The following SET variants were observed in gnomAD, a reference collection of about 807,000 sequenced individuals.
SET encodes the protein SET nuclear proto-oncogene.
Under a neutral mutation model 39.0 loss-of-function variants are expected in SET, and 4 were observed. The ratio of observed to expected loss-of-function variants is 0.10; its 90% confidence interval spans 0.05 to 0.23. SET has a LOEUF of 0.23. Ranked by LOEUF, SET falls within the 10% of genes least tolerant of loss-of-function variation. The pLI is 1.00. For missense variants in SET, 137 were observed against 329.7 expected (o/e 0.42, Z 4.53); for synonymous variants, 114 against 115.9 (o/e 0.98, Z 0.11).
intron 2 of SET, among the ~76,000 whole-genome samples, chr9:128,691,466 C>T (rs1043430921): frequency 6.6e-5 from 10 of 152,172 alleles, no homozygotes; most frequent in Non-Finnish European, 1.3e-4. Flanking sequence ...GTCTGAATTG[C>T]AGTGTAGGTC....
chr9:128,685,825 A>C (rs1185370143), upstream of SET, among the ~76,000 whole-genome samples: 1 of 152,206 alleles, frequency 6.6e-6, no homozygotes, highest in East Asian at 1.9e-4. Flanking sequence ...TGAGGTCAGA[A>C]GTTCAAGACC....
intron 2 of SET, 43 bp from the exon 3 acceptor site, chr9:128,691,815 G>T: frequency 1.9e-6 from 3 of 1,566,244 alleles, no homozygotes; most frequent in South Asian, 1.2e-5. Context: ...TTTTTAATTT[G>T]TTAAATACTA....
upstream of SET, among the ~76,000 whole-genome samples, chr9:128,688,856 C>G (rs565885082): frequency 5.6e-4 from 86 of 152,306 alleles, no homozygotes; most frequent in South Asian, 7.0e-3. Context: ...GAGGCCGGGC[C>G]TGCACTTTCG....
At chr9:128,686,864 C>A (rs911097198), upstream of SET, among the ~76,000 whole-genome samples, 1 of 151,740 alleles carries the variant, frequency 6.6e-6, no homozygotes, top group African/African-American at 2.4e-5. Context: ...GCCTGTGGTC[C>A]CAGCTACTCA....
upstream of SET, among the ~76,000 whole-genome samples, chr9:128,684,861 C>G (rs997225396): frequency 3.9e-5 from 6 of 152,188 alleles, no homozygotes; most frequent in Non-Finnish European, 7.3e-5. Flanking sequence ...TACATTGTAA[C>G]CAGCAGTTTC....
At chr9:128,694,090 C>G (rs1861640499) in intron 7 of SET, 48 bp downstream of exon 7, 2 of 1,399,910 alleles carry the variant, frequency 1.4e-6, no homozygotes. Context: ...TTAAAGAATT[C>G]ATGTTATTTT....
At chr9:128,685,921 G>A (rs1020854638), upstream of SET, among the ~76,000 whole-genome samples, 1 of 152,166 alleles carries the variant, frequency 6.6e-6, no homozygotes. Context: ...CAGCTACTTG[G>A]GGGGCTAAGG....
intron 5 of SET, 22 bp downstream of exon 5, chr9:128,693,003 G>A (rs750837548): frequency 1.6e-5 from 23 of 1,464,262 alleles, no homozygotes; most frequent in Non-Finnish European, 2.1e-5. Context: ...GGAATTATTT[G>A]ACAAAAATAG....
chr9:128,685,210 C>A, upstream of SET: 1 of 1,599,794 alleles, frequency 6.3e-7, no homozygotes, highest in Non-Finnish European at 8.5e-7. Flanking sequence ...ACCTACCTTG[C>A]TGGGTGAGCC....
intron 5 of SET, 121 bp from the exon 6 acceptor site, chr9:128,693,517 C>T (rs12553001): frequency 0.083 from 83,382 of 999,592 alleles, 3,821 homozygotes; most frequent in South Asian, 0.15. Flanking sequence ...ATAATGGTAG[C>T]GTAGATAGTA....
At chr9:128,689,044 G>A (rs557714107), upstream of SET, among the ~76,000 whole-genome samples, 6 of 150,674 alleles carry the variant, frequency 4.0e-5, no homozygotes, top group Admixed American at 1.3e-4. Context: ...ACGCGGCGCG[G>A]GGGGCGGCCG....
At chr9:128,693,464 A>C (rs1020150574) in intron 5 of SET, among the ~76,000 whole-genome samples, 174 bp from the exon 6 acceptor site, 1 of 152,232 alleles carries the variant, frequency 6.6e-6, no homozygotes, top group Non-Finnish European at 1.5e-5. Flanking sequence ...TGTAGTTGAT[A>C]CTACCTCTAC....
upstream of SET, among the ~76,000 whole-genome samples, chr9:128,686,308 GGGCAGGGAGGT>G (rs549097281): frequency 3.9e-4 from 60 of 152,212 alleles, no homozygotes; most frequent in East Asian, 0.011. Flanking sequence ...AGGAAAAGAG[GGGCAGGGAGGT>G]GGCAGGGAGG....
chr9:128,689,669 G>GC lies in SET; in HGVS notation c.73+17dup. 1 of 1,011,516 alleles carries GC rather than the reference G, an allele frequency of 9.9e-7. No homozygotes were observed. The highest frequency in any genetic ancestry group is 1.3e-6 in the Non-Finnish European group (1 of 785,524). The allele number at this position is 1,011,516 out of a possible 1,614,324, so 62.7% of individuals were successfully genotyped here. On this transcript the variant is annotated intron_variant, in intron 1 of 7. Coordinates refer to ENST00000322030, the MANE Select transcript of SET (RefSeq NM_003011.4). ...ACGAGACCTCAGGTGAGAGCAGCGA[G>GC]CCCGGGGGCCGGCCCGCGCCGCCAT...
upstream of SET, among the ~76,000 whole-genome samples, chr9:128,688,368 C>T (rs1321053885): frequency 6.6e-6 from 1 of 152,160 alleles, no homozygotes; most frequent in Non-Finnish European, 1.5e-5. Context: ...CAGAACTTTG[C>T]CTCTCAAGTA....
intron 1 of SET, chr9:128,690,096 C>T (rs1441881192): frequency 3.0e-5 from 11 of 363,104 alleles, no homozygotes; most frequent in Admixed American, 6.5e-5. Flanking sequence ...CGCGGCGGCG[C>T]CCCCGGCACC....
chr9:128,693,841 A>G, intron 6 of SET, 33 bp downstream of exon 6: 2 of 1,605,438 alleles, frequency 1.2e-6, no homozygotes, highest in Middle Eastern at 3.3e-4. Context: ...TCAAGGTTGG[A>G]CTTGTCTCGG....
chr9:128,683,848 G>A (rs1241477021), exon 1 of SET: 14 of 1,481,460 alleles, frequency 9.5e-6, no homozygotes, highest in Non-Finnish European at 1.3e-5. Flanking sequence ...GCCTGCTTCC[G>A]GACGGGCGAG....
In SET at chr9:128,695,929, C is replaced by T. The variant is rs1336369692; in HGVS notation, c.*1265C>T. ...TGGTGCTCTAATGCCAAGTTATACA[C>T]GGGACAGTTGCTGGCATGTCTTCAT... On this transcript the variant is annotated 3_prime_UTR_variant, in exon 8 of 8. Coordinates refer to ENST00000322030, the MANE Select transcript of SET (RefSeq NM_003011.4). The T allele has an allele frequency of 1.3e-5, 3 of 226,590 alleles. No individual in the cohort carries two copies. Among genetic ancestry groups the T allele is most frequent in the East Asian group, 6.2e-5 (1 of 16,122 alleles). The allele number at this position is 226,590 out of a possible 1,614,324, so 14.0% of individuals were successfully genotyped here.
Sources: allele counts gnomAD v4.1 joint callset (sites outside exome capture counted in the v4.1 genomes callset), GRCh38; gene constraint gnomAD v4.1.1; transcripts MANE v1.5; gene names NCBI Gene and HGNC (gene_info 2026-07-23, HGNC 2026-07-21).